Variants in MGAT4C observed in about 807,000 individuals in gnomAD.
MGAT4C encodes the protein alpha-1,3-mannosyl-glycoprotein 4-beta-N-acetylglucosaminyltransferase C.
Under a neutral mutation model 40.1 loss-of-function variants are expected in MGAT4C, and 19 were observed. The observed-to-expected ratio is 0.47, with a 90% CI of 0.33 to 0.70. The LOEUF (loss-of-function observed/expected upper bound fraction) is 0.70. Among genes scored for constraint, MGAT4C ranks in the 30% least tolerant of loss-of-function variants. The pLI is 0.02. For missense variants in MGAT4C, 491 were observed against 563.2 expected (o/e 0.87, Z 1.30); for synonymous variants, 181 against 187.1 (o/e 0.97, Z 0.27).
At chr12:86,758,635 T>C (rs1304035292) in intron 1 of MGAT4C, among the ~76,000 whole-genome samples, 1 of 152,022 alleles carries the variant, frequency 6.6e-6, no homozygotes, top group South Asian at 2.1e-4. Context: ...GCTTCATAGG[T>C]TTCTGCATGT....
chr12:86,631,154 A>T (rs1344726191), intron 2 of MGAT4C, among the ~76,000 whole-genome samples: 2 of 152,314 alleles, frequency 1.3e-5, no homozygotes, highest in East Asian at 3.9e-4. Context: ...CCCATTCACA[A>T]TTGCTACAAA....
chr12:86,561,665 C>T (rs559132396), intron 2 of MGAT4C, among the ~76,000 whole-genome samples: 5 of 152,148 alleles, frequency 3.3e-5, no homozygotes, highest in Non-Finnish European at 7.4e-5. Context: ...TTGCTTGATA[C>T]TCAGATTGTA....
intron 1 of MGAT4C, among the ~76,000 whole-genome samples, chr12:86,731,423 C>T (rs1253057620): frequency 2.6e-5 from 4 of 152,016 alleles, no homozygotes; most frequent in Non-Finnish European, 5.9e-5. Context: ...AGTCTATTTC[C>T]AGGGACACTG....
intron 2 of MGAT4C, among the ~76,000 whole-genome samples, chr12:86,707,207 T>A (rs1320069164): frequency 6.6e-6 from 1 of 152,188 alleles, no homozygotes. Flanking sequence ...ATTGTGGTAG[T>A]GACTTTGGAA....
intron 4 of MGAT4C, among the ~76,000 whole-genome samples, chr12:86,274,655 T>A (rs951551557): frequency 2.6e-5 from 4 of 152,182 alleles, no homozygotes; most frequent in Admixed American, 2.6e-4. Context: ...TAAGTTTTCA[T>A]GGGCTATATG....
At chr12:86,559,034 GCATACCTATATTTGTGTCAGA>G (rs1253872013) in intron 2 of MGAT4C, among the ~76,000 whole-genome samples, 1 of 151,610 alleles carries the variant, frequency 6.6e-6, no homozygotes, top group African/African-American at 2.4e-5. Flanking sequence ...ATGTGAGCAG[GCATACCTATATTTGTGTCAGA>G]CAGAACAGAC....
intron 2 of MGAT4C, among the ~76,000 whole-genome samples, chr12:86,570,032 A>G (rs1960299572): frequency 1.3e-5 from 2 of 152,116 alleles, no homozygotes; most frequent in Non-Finnish European, 2.9e-5. Context: ...GATGGTGATT[A>G]TTAGAAGTTG....
intron 2 of MGAT4C, among the ~76,000 whole-genome samples, chr12:86,524,605 A>G (rs910756316): frequency 6.6e-6 from 1 of 152,010 alleles, no homozygotes; most frequent in African/African-American, 2.4e-5. Context: ...GAATTTGAAT[A>G]TTGGTCTCTC....
chr12:85,993,196 T>A (rs995751204), intron 2 of MGAT4C, among the ~76,000 whole-genome samples: 2 of 152,144 alleles, frequency 1.3e-5, no homozygotes, highest in Non-Finnish European at 2.9e-5. Flanking sequence ...CCTGGAAGGA[T>A]GTCGTGTTAC....
chr12:86,644,524 T>A (rs1963480939), intron 2 of MGAT4C, among the ~76,000 whole-genome samples: 1 of 151,722 alleles, frequency 6.6e-6, no homozygotes, highest in Non-Finnish European at 1.5e-5. Context: ...ATTAGAAAAC[T>A]CTTAGGCATT....
chr12:86,667,929 G>A (rs1346672882), intron 2 of MGAT4C, among the ~76,000 whole-genome samples: 1 of 152,182 alleles, frequency 6.6e-6, no homozygotes, highest in Non-Finnish European at 1.5e-5. Flanking sequence ...AAGGTTGATT[G>A]TTTGCACATG....
intron 2 of MGAT4C, among the ~76,000 whole-genome samples, chr12:86,628,541 A>G (rs1962901806): frequency 6.6e-6 from 1 of 152,206 alleles, no homozygotes; most frequent in Non-Finnish European, 1.5e-5. Context: ...GACTAATAGC[A>G]GATCTGTCGG....
intron 3 of MGAT4C, among the ~76,000 whole-genome samples, chr12:86,336,364 T>C (rs1329777219): frequency 6.6e-6 from 1 of 152,192 alleles, no homozygotes; most frequent in Non-Finnish European, 1.5e-5. Context: ...ACTACTAATC[T>C]TATAAATCTT....
chr12:86,709,500 A>G (rs1215046876), intron 2 of MGAT4C, among the ~76,000 whole-genome samples: 1 of 152,198 alleles, frequency 6.6e-6, no homozygotes, highest in East Asian at 1.9e-4. Context: ...CTTGAAATTT[A>G]TATACCTAAG....
chr12:86,150,055 G>C (rs977795559), intron 1 of MGAT4C, among the ~76,000 whole-genome samples: 2 of 152,166 alleles, frequency 1.3e-5, no homozygotes, highest in Non-Finnish European at 2.9e-5. Context: ...GTGGATGGGT[G>C]GAAGATGGTT....
intron 1 of MGAT4C, among the ~76,000 whole-genome samples, chr12:86,149,597 G>A (rs1318076571): frequency 6.6e-6 from 1 of 152,130 alleles, no homozygotes; most frequent in East Asian, 1.9e-4. Flanking sequence ...AGCTATGAAA[G>A]AGTAAAAAGC....
chr12:85,996,358 T>C (rs1267878326), intron 2 of MGAT4C, among the ~76,000 whole-genome samples: 2 of 152,030 alleles, frequency 1.3e-5, no homozygotes, highest in African/African-American at 2.4e-5. Flanking sequence ...GGCTAGTAGA[T>C]AAAGAATAGC....
At position 86,156,229 on chromosome 12, in the gene MGAT4C, C is replaced by G. The variant is rs144766303; in HGVS notation, c.-57+100010G>C. 2.3e-3 allele frequency among the ~76,000 whole-genome samples: 351 copies of G among 152,172 alleles called. 3 individuals are homozygous for G. Among genetic ancestry groups the G allele is most frequent in the African/African-American group, 8.0e-3 (333 of 41,506 alleles). On this transcript the variant is annotated intron_variant, in intron 1 of 4. Transcript: ENST00000611864. The stretch of plus-strand genomic sequence containing the variant: ...ATTTGCCAGAGATTATTGTGTTTAT[C>G]TTTTTGAAAATTATAATTAAATAGA...
At position 86,413,069 on chromosome 12, in the gene MGAT4C, G is replaced by A. The variant is rs137984817; in HGVS notation, c.-120+22088C>T. Among the ~76,000 whole-genome samples the A allele has an allele frequency of 8.9e-3, 1,355 of 152,132 alleles. 9 individuals carry two copies. The highest frequency in any genetic ancestry group is 0.012 in the Non-Finnish European group (801 of 67,968). ...TGGGTTTTGTGATTGCAAGTAAACC[G>A]TGATTTTTAACCTCTTTTTTCCAAT... On this transcript the variant is annotated intron_variant, in intron 3 of 7. Transcript: ENST00000548651.
Sources: gnomAD v4.1 joint callset for allele counts (sites outside exome capture counted in the v4.1 genomes callset) on GRCh38, gnomAD v4.1.1 for gene constraint, MANE v1.5 for transcripts, NCBI Gene and HGNC (gene_info 2026-07-23, HGNC 2026-07-21) for gene names.